The following WNK1 variants were observed in gnomAD, a reference collection of about 807,000 sequenced individuals.
WNK1 encodes the protein WNK lysine deficient protein kinase 1, also known as serine/threonine-protein kinase WNK1.
In WNK1, 38 loss-of-function variants were observed where a neutral mutation model predicts 222.8. That is an observed-to-expected ratio of 0.17 (90% confidence interval 0.13 to 0.22). The LOEUF is 0.22. Among genes scored for constraint, WNK1 ranks in the 10% least tolerant of loss-of-function variants. The pLI, the probability that WNK1 is intolerant of heterozygous loss-of-function variation, is 1.00. For synonymous variants in WNK1, 1,090 were observed against 1,092.9 expected (o/e 1.00, Z 0.05); for missense variants, 2,348 against 2,918.4 (o/e 0.80, Z 4.50).
intron 12 of WNK1, 55 bp downstream of exon 12, chr12:881,054 C>G (rs555388811): frequency 6.2e-7 from 1 of 1,605,198 alleles, no homozygotes; most frequent in African/African-American, 1.3e-5. Flanking sequence ...AATTGGACAA[C>G]AATGATAAAG....
At chr12:898,747 AT>A (rs35468706) in intron 25 of WNK1, among the ~76,000 whole-genome samples, 14 of 148,802 alleles carry the variant, frequency 9.4e-5, no homozygotes, top group Admixed American at 4.0e-4. Context: ...CTAACTTTGA[AT>A]TTTTTTTTTG....
Position 780,370 on chromosome 12 carries a change from TTTC to T in WNK1, c.759+26051_759+26053del, listed in dbSNP as rs1365613284. 2.6e-5 allele frequency among the ~76,000 whole-genome samples: 4 copies of T among 152,234 alleles called. No individual in the cohort carries two copies. In the East Asian group the frequency reaches 7.7e-4, roughly 29 times the overall value. On this transcript the variant is annotated intron_variant, in intron 1 of 27. Transcript: ENST00000315939. ...TGATTTAACTTTATTTTGTGGTACT[TTTC>T]TTCTAAGTTTAGACAGATGATAGAA... is the stretch of plus-strand genomic sequence containing the variant.
chr12:885,373 A>G lies in WNK1; in HGVS notation c.4569A>G (p.Val1523=). 6.2e-7 allele frequency: 1 copy of G among 1,613,848 alleles called. No homozygotes were observed. Among genetic ancestry groups the G allele is most frequent in the Non-Finnish European group, 8.5e-7 (1 of 1,180,040 alleles). The part of the protein sequence containing the change: ...TSTPTLAETV[V]VSAHSLDKTS... ...CTCCTACTTTAGCTGAAACCGTGGT[A>G]GTTAGCGCACACTCACTAGATAAGA... is the stretch of plus-strand genomic sequence containing the variant. The change falls in exon 19 of 28, where the codon GTA becomes GTG. Residue 1523 remains valine, a synonymous_variant. Coordinates refer to ENST00000315939, the MANE Select transcript of WNK1 (RefSeq NM_018979.4).
chr12:778,807 G>T (rs1029169714), intron 1 of WNK1, among the ~76,000 whole-genome samples: 1 of 152,120 alleles, frequency 6.6e-6, no homozygotes, highest in Non-Finnish European at 1.5e-5. Flanking sequence ...ACTGGTAATA[G>T]TTATTAATAC....
chr12:785,398 TCCCC>T (rs369159432), intron 1 of WNK1, among the ~76,000 whole-genome samples: 11 of 57,162 alleles, frequency 1.9e-4, no homozygotes, highest in Non-Finnish European at 3.1e-4. Context: ...TATCATTTTC[TCCCC>T]CCCCCCCACC....
At chr12:801,851 GA>G (rs1324339941) in intron 1 of WNK1, among the ~76,000 whole-genome samples, 2 of 152,158 alleles carry the variant, frequency 1.3e-5, no homozygotes, top group East Asian at 3.8e-4. Flanking sequence ...TTGAATCAGA[GA>G]AATACTTATA....
intron 8 of WNK1, chr12:865,254 G>A: frequency 6.5e-7 from 1 of 1,536,028 alleles, no homozygotes; most frequent in South Asian, 1.2e-5. Context: ...CTGCCCCGAG[G>A]AAACTTTTGC....
chr12:791,315 A>G (rs2153980683), intron 1 of WNK1, among the ~76,000 whole-genome samples: 1 of 152,130 alleles, frequency 6.6e-6, no homozygotes, highest in East Asian at 1.9e-4. Flanking sequence ...AAAAGATAAT[A>G]CATGAATAGA....
rs1939575855 is a variant in WNK1, at chr12:753,958, C to T, written c.393C>T (p.Ser131=). 1 of 1,602,026 alleles carries T rather than the reference C, an allele frequency of 6.2e-7. No individual in the cohort carries two copies. The highest frequency in any genetic ancestry group is 2.3e-5 in the East Asian group (1 of 44,252). ...REETVTATAT[S]QVAQQPPAAA... ...AGACCGTGACCGCCACCGCCACTTC[C>T]CAGGTAGCCCAGCAGCCTCCAGCCG... Residue 131 remains serine, a synonymous_variant, in exon 1 of 28, where the codon TCC becomes TCT. Coordinates refer to ENST00000315939, the MANE Select transcript of WNK1 (RefSeq NM_018979.4). The surrounding 1 kb of genome is among the most constrained non-coding windows in gnomAD (Gnocchi z 5.2).
chr12:897,593 T>C lies in WNK1; in HGVS notation c.6360T>C (p.Leu2120=). 1 of 1,614,146 alleles carries C rather than the reference T, an allele frequency of 6.2e-7. No homozygotes were observed. Residue 2120 remains leucine (L), a synonymous_variant, in exon 25 of 28, where the codon CTT becomes CTC. Coordinates refer to ENST00000315939, the MANE Select transcript of WNK1 (RefSeq NM_018979.4). ...PAVIIPPAAP[L]SGRRRRPTKS... is the part of the protein sequence containing the mutation. ...TTATTATTCCCCCAGCTGCTCCCCT[T>C]TCAGGGAGAAGACGACGACCCACTA...
intron 26 of WNK1, among the ~76,000 whole-genome samples, chr12:907,566 T>C (rs1488571976): frequency 6.6e-6 from 1 of 152,212 alleles, no homozygotes; most frequent in Non-Finnish European, 1.5e-5. Context: ...TACTCTTAGG[T>C]GCTTTGTGAA....
intron 2 of WNK1, among the ~76,000 whole-genome samples, chr12:826,175 G>A (rs191439275): frequency 1.7e-4 from 26 of 152,316 alleles, no homozygotes; most frequent in African/African-American, 6.3e-4. Flanking sequence ...GTTGTATAAC[G>A]TACACCATCC....
chr12:852,296 G>A (rs1364769757), intron 4 of WNK1, among the ~76,000 whole-genome samples: 1 of 152,112 alleles, frequency 6.6e-6, no homozygotes. Flanking sequence ...CTCTCAATGT[G>A]CTATTATAGA....
intron 1 of WNK1, among the ~76,000 whole-genome samples, chr12:768,387 C>T (rs576468339): frequency 2.5e-4 from 38 of 152,212 alleles, no homozygotes; most frequent in Non-Finnish European, 4.1e-4. Context: ...CTGCCCGCCT[C>T]GGCCTCCCAA....
At chr12:849,399 C>G (rs1950255187) in intron 4 of WNK1, among the ~76,000 whole-genome samples, 1 of 152,046 alleles carries the variant, frequency 6.6e-6, no homozygotes, top group South Asian at 2.1e-4. Flanking sequence ...TTTCTACAAT[C>G]TTTGTTAATG....
intron 1 of WNK1, among the ~76,000 whole-genome samples, chr12:761,610 G>A (rs1206503723): frequency 6.8e-6 from 1 of 147,846 alleles, no homozygotes; most frequent in Non-Finnish European, 1.5e-5. Context: ...AAACCAAACA[G>A]TGAGAGATGA....
At chr12:847,801 C>CTTTTTTTTTTTTT (rs898832948) in intron 4 of WNK1, among the ~76,000 whole-genome samples, 1 of 68,642 alleles carries the variant, frequency 1.5e-5, no homozygotes, top group Non-Finnish European at 2.6e-5. Flanking sequence ...GATTAATTCT[C>CTTTTTTTTTTTTT]TTTTTTTTTT....
chr12:802,146 A>G (rs1051635464), intron 1 of WNK1, among the ~76,000 whole-genome samples: 1 of 152,210 alleles, frequency 6.6e-6, no homozygotes, highest in African/African-American at 2.4e-5. Flanking sequence ...ACTTCTAGAA[A>G]TAGTAGATAT....
At chr12:756,453 C>G (rs1940050121) in intron 1 of WNK1, among the ~76,000 whole-genome samples, 1 of 152,130 alleles carries the variant, frequency 6.6e-6, no homozygotes. Context: ...TGGGCATTAC[C>G]AAACTAAAGA....
Sources: allele counts gnomAD v4.1 joint callset (sites outside exome capture counted in the v4.1 genomes callset), GRCh38; gene constraint gnomAD v4.1.1; non-coding constraint Gnocchi (gnomAD v3.1); transcripts MANE v1.5; gene names NCBI Gene and HGNC (gene_info 2026-07-23, HGNC 2026-07-21).